Variants in BANK1 observed in about 807,000 individuals in gnomAD.
BANK1 encodes B cell scaffold protein with ankyrin repeats 1.
BANK1 carries 95 observed loss-of-function variants against 94.5 expected under a neutral mutation model. The observed-to-expected ratio is 1.00, with a 90% CI of 0.85 to 1.19. The LOEUF (loss-of-function observed/expected upper bound fraction) is 1.19. BANK1 is among the 50% of genes most tolerant of loss of function. The probability of loss-of-function intolerance (pLI) is 0.00; values close to 1 mark genes in which losing one functional copy is unlikely to be tolerated. For missense variants in BANK1, 987 were observed against 932.2 expected (o/e 1.06, Z -0.77); for synonymous variants, 334 against 308.4 (o/e 1.08, Z -0.87).
chr4:101,958,491 T>C (rs990657041), intron 7 of BANK1, among the ~76,000 whole-genome samples: 3 of 146,292 alleles, frequency 2.1e-5, no homozygotes, highest in Non-Finnish European at 3.0e-5. Flanking sequence ...TTTCTTAAAA[T>C]ATTTCTTGCT....
intron 1 of BANK1, among the ~76,000 whole-genome samples, chr4:101,823,612 G>C (rs1726256514): frequency 6.6e-6 from 1 of 152,126 alleles, no homozygotes; most frequent in Admixed American, 6.5e-5. Flanking sequence ...GGTGGGATTA[G>C]AACATTTTCA....
At chr4:101,860,603 A>G (rs1727834535) in intron 3 of BANK1, among the ~76,000 whole-genome samples, 1 of 151,346 alleles carries the variant, frequency 6.6e-6, no homozygotes, top group South Asian at 2.1e-4. Flanking sequence ...GGTAATTTTC[A>G]TGTCTTTAGT....
At chr4:101,836,746 T>A (rs1016427076) in intron 2 of BANK1, among the ~76,000 whole-genome samples, 12 of 152,288 alleles carry the variant, frequency 7.9e-5, no homozygotes, top group Admixed American at 2.6e-4. Flanking sequence ...TTTTGTGGAA[T>A]CAAGGAAGAT....
Position 101,935,568 on chromosome 4 carries a change from A to G in BANK1, c.1206+17379A>G, listed in dbSNP as rs546343623. On this transcript the variant is annotated intron_variant, in intron 7 of 16. Coordinates refer to ENST00000322953, the MANE Select transcript of BANK1 (RefSeq NM_017935.5). ...TTAAAAGGAATCTTTTCTGAATTCAACACATTTATTATTTAATTTATCATC... is the reference window on the plus strand; with the variant it reads ...TTAAAAGGAATCTTTTCTGAATTCAGCACATTTATTATTTAATTTATCATC... Among the ~76,000 whole-genome samples the G allele has an allele frequency of 1.1e-4, 16 of 151,680 alleles. No homozygotes were observed. The South Asian group carries it at 3.3e-3, about 31-fold the overall frequency.
intron 1 of BANK1, among the ~76,000 whole-genome samples, chr4:101,800,450 T>C (rs1406401704): frequency 6.6e-6 from 1 of 152,170 alleles, no homozygotes; most frequent in African/African-American, 2.4e-5. Flanking sequence ...GACACTTCTT[T>C]CTGTGAAAGC....
Position 102,060,208 on chromosome 4 carries a change from T to C in BANK1, c.1970-3T>C. ...GTTAATGCACCCTCCCCTTGTATTT[T>C]AGACAGAGCTCGGATAGAGAGTCCA... On this transcript the variant is annotated splice_polypyrimidine_tract_variant and splice_region_variant and intron_variant, in intron 11 of 16. Coordinates refer to ENST00000322953, the MANE Select transcript of BANK1 (RefSeq NM_017935.5). 1 of 1,563,020 alleles carries C rather than the reference T, an allele frequency of 6.4e-7. No homozygotes were observed. The highest frequency in any genetic ancestry group is 8.6e-7 in the Non-Finnish European group (1 of 1,164,182).
chr4:101,928,269 G>A (rs1244651793), intron 7 of BANK1, among the ~76,000 whole-genome samples: 1 of 151,592 alleles, frequency 6.6e-6, no homozygotes, highest in Admixed American at 6.6e-5. Context: ...GCTGTTTGTG[G>A]AAACAAGAGT....
intron 13 of BANK1, 148 bp downstream of exon 13, chr4:102,063,286 C>T (rs1318598141): frequency 3.1e-6 from 2 of 653,616 alleles, no homozygotes; most frequent in Non-Finnish European, 5.2e-6. Context: ...CTCTGGTAGT[C>T]AAATTCCTTG....
intron 5 of BANK1, among the ~76,000 whole-genome samples, chr4:101,884,931 G>A (rs1041919472): frequency 4.0e-5 from 6 of 151,882 alleles, no homozygotes; most frequent in African/African-American, 7.3e-5. Flanking sequence ...TTTCTGAGAC[G>A]GAGTTTCACT....
chr4:101,940,386 T>C (rs1723702793), intron 7 of BANK1, among the ~76,000 whole-genome samples: 1 of 151,818 alleles, frequency 6.6e-6, no homozygotes, highest in Admixed American at 6.6e-5. Context: ...TTTTCTGTTG[T>C]TAACATCTTA....
chr4:101,892,554 A>G (rs1721916603), intron 5 of BANK1, among the ~76,000 whole-genome samples: 1 of 151,580 alleles, frequency 6.6e-6, no homozygotes, highest in Non-Finnish European at 1.5e-5. Flanking sequence ...TATATTATGG[A>G]TATGTGTTTA....
chr4:102,039,989 ATGT>A (rs1317514751), intron 10 of BANK1, among the ~76,000 whole-genome samples: 12 of 152,108 alleles, frequency 7.9e-5, no homozygotes, highest in African/African-American at 2.7e-4. Context: ...CACAAAATGA[ATGT>A]TGTTGTTAAT....
At chr4:101,824,556 C>G (rs1726291936) in intron 1 of BANK1, among the ~76,000 whole-genome samples, 1 of 152,110 alleles carries the variant, frequency 6.6e-6, no homozygotes, top group Admixed American at 6.5e-5. Flanking sequence ...GGAATGTAAA[C>G]TCAATTGAGT....
intron 7 of BANK1, among the ~76,000 whole-genome samples, chr4:101,992,326 G>T (rs527308300): frequency 6.6e-6 from 1 of 152,088 alleles, no homozygotes; most frequent in East Asian, 1.9e-4. Context: ...AAAAAGAAGG[G>T]CTACAAAATA....
chr4:101,973,524 C>A (rs930098226), intron 7 of BANK1, among the ~76,000 whole-genome samples: 2 of 151,996 alleles, frequency 1.3e-5, no homozygotes, highest in Non-Finnish European at 2.9e-5. Flanking sequence ...CTAAACTTTC[C>A]TGCCTGAAGT....
At chr4:102,057,386 A>AG (rs57007649) in intron 11 of BANK1, among the ~76,000 whole-genome samples, 96,942 of 149,278 alleles carry the variant, frequency 0.65, 31,945 homozygotes, top group African/African-American at 0.76. Flanking sequence ...TTCTTAAGCA[A>AG]GGTCTGCTCT....
chr4:101,870,226 A>G (rs377663599), intron 4 of BANK1, among the ~76,000 whole-genome samples: 2 of 152,030 alleles, frequency 1.3e-5, no homozygotes, highest in East Asian at 1.9e-4. Flanking sequence ...GAAAAGTTAT[A>G]CTAGTAAGTA....
rs769906672 is a variant in BANK1, at chr4:101,895,323, G to A, written c.922G>A (p.Asp308Asn). ...AAAACAGAATAGCATTGAAGAACTTGATGGTGTCCTTACATCCATATTCAA... is the reference window on the plus strand; with the variant it reads ...AAAACAGAATAGCATTGAAGAACTTAATGGTGTCCTTACATCCATATTCAA... The part of the protein sequence containing the change: ...SLCQNSIEEL[D>N]GVLTSIFKHE... Residue 308 changes from aspartate (D) to asparagine (N), a missense_variant, in exon 6 of 17, where the codon GAT (aspartate) becomes AAT (asparagine). By Grantham distance (23) the Asp-to-Asn change is conservative. Coordinates refer to ENST00000322953, the MANE Select transcript of BANK1 (RefSeq NM_017935.5). 1.3e-6 allele frequency: 2 copies of A among 1,583,740 alleles called. No individual in the cohort carries two copies. The highest frequency in any genetic ancestry group is 1.7e-6 in the Non-Finnish European group (2 of 1,163,982).
At chr4:101,957,867 C>T (rs1310900292) in intron 7 of BANK1, among the ~76,000 whole-genome samples, 123 of 128,780 alleles carry the variant, frequency 9.6e-4, no homozygotes, top group African/African-American at 3.2e-3. Context: ...TTTTTTGAGA[C>T]GGAGTCTCGC....
Sources: allele counts gnomAD v4.1 joint callset (sites outside exome capture counted in the v4.1 genomes callset), GRCh38; gene constraint gnomAD v4.1.1; transcripts MANE v1.5; gene names NCBI Gene and HGNC (gene_info 2026-07-23, HGNC 2026-07-21).